The following PCSK5 variants were observed in gnomAD, a reference collection of about 807,000 sequenced individuals.
The protein encoded by PCSK5 is prohormone convertase 5.
A neutral mutation model predicts 233.2 loss-of-function variants in PCSK5; 129 were observed. That is an observed-to-expected ratio of 0.55 (90% CI 0.48 to 0.64). The LOEUF (loss-of-function observed/expected upper bound fraction) is 0.64. Among genes scored for constraint, PCSK5 ranks in the 30% least tolerant of loss-of-function variants. PCSK5 has a pLI of 0.00. For missense variants in PCSK5, 2,076 were observed against 2,430.1 expected (o/e 0.85, Z 3.06); for synonymous variants, 825 against 879.2 (o/e 0.94, Z 1.09).
intron 7 of PCSK5, among the ~76,000 whole-genome samples, chr9:76,089,000 T>C (rs1034437898): frequency 6.6e-6 from 1 of 151,804 alleles, no homozygotes; most frequent in South Asian, 2.1e-4. Context: ...ATGAACGCTG[T>C]TCTATAAAGC....
intron 30 of PCSK5, among the ~76,000 whole-genome samples, chr9:76,320,174 C>CCA: frequency 6.6e-6 from 1 of 152,140 alleles, no homozygotes; most frequent in East Asian, 2.0e-4. Flanking sequence ...TCTCTCGTCT[C>CCA]CACACACGGG....
chr9:76,045,550 G>A (rs1354869416), intron 5 of PCSK5, among the ~76,000 whole-genome samples: 1 of 152,202 alleles, frequency 6.6e-6, no homozygotes, highest in Non-Finnish European at 1.5e-5. Context: ...GTTTTGCCAA[G>A]TCATTTCACT....
At chr9:76,186,129 T>C (rs1001851430) in intron 17 of PCSK5, among the ~76,000 whole-genome samples, 1 of 152,152 alleles carries the variant, frequency 6.6e-6, no homozygotes, top group Non-Finnish European at 1.5e-5. Context: ...TAAAATATTA[T>C]CATTTCAACA....
At chr9:76,043,835 G>A (rs1022456775) in intron 5 of PCSK5, among the ~76,000 whole-genome samples, 1 of 152,070 alleles carries the variant, frequency 6.6e-6, no homozygotes, top group African/African-American at 2.4e-5. Context: ...TTCTCCCAAA[G>A]TGCTTGAATT....
chr9:76,344,765 C>A (rs1415153918), intron 35 of PCSK5, among the ~76,000 whole-genome samples: 1 of 152,142 alleles, frequency 6.6e-6, no homozygotes, highest in Admixed American at 6.5e-5. Context: ...AATCTGACGA[C>A]CCTAATTCCA....
intron 20 of PCSK5, among the ~76,000 whole-genome samples, chr9:76,224,099 A>G (rs186277619): frequency 6.6e-6 from 1 of 152,308 alleles, no homozygotes; most frequent in Admixed American, 6.5e-5. Context: ...GCTCTTACAT[A>G]AGCTTCAAGG....
rs149365255 is a variant in PCSK5 at position 76,189,693 on chromosome 9, G to A, written c.2573G>A (p.Ser858Asn). ...PGFKNCTSCP[S>N]GYLLDLGMCQ... ...TTCAAGAACTGTACAAGCTGCCCTA[G>A]TGGGTATCTCTTAGACTTAGGAATG... The change falls in exon 20 of 38, where the codon AGT becomes AAT. Residue 858 changes from serine to asparagine, a missense_variant. Physicochemically the swap from Ser to Asn is conservative, Grantham distance 46. Coordinates refer to ENST00000674117, the MANE Select transcript of PCSK5 (RefSeq NM_001372043.1). The A allele has an allele frequency of 2.2e-5, 36 of 1,613,224 alleles. No individual in the cohort carries two copies. The East Asian group carries it at 7.8e-4, about 35-fold the overall frequency.
At chr9:76,289,136 C>A (rs1308071810) in intron 24 of PCSK5, among the ~76,000 whole-genome samples, 1 of 152,088 alleles carries the variant, frequency 6.6e-6, no homozygotes, top group Non-Finnish European at 1.5e-5. Context: ...CGGCCCACCC[C>A]ACCCCATACA....
chr9:76,035,165 C>T (rs1828809175), intron 5 of PCSK5, among the ~76,000 whole-genome samples: 1 of 152,182 alleles, frequency 6.6e-6, no homozygotes, highest in Non-Finnish European at 1.5e-5. Flanking sequence ...CTGATAGGCA[C>T]TTGACTGACA....
chr9:76,137,589 T>G (rs1349384313), intron 10 of PCSK5, among the ~76,000 whole-genome samples: 1 of 152,148 alleles, frequency 6.6e-6, no homozygotes, highest in Admixed American at 6.6e-5. Context: ...GCCTTGTTCA[T>G]CTTGTGAATA....
chr9:76,193,428 GAA>G (rs368878471), intron 20 of PCSK5: 937 of 623,552 alleles, frequency 1.5e-3, no homozygotes, highest in Middle Eastern at 3.0e-3. Context: ...AAGCCAAAAA[GAA>G]AAAAAAAAAA....
At chr9:76,267,753 A>G (rs919173172) in intron 24 of PCSK5, among the ~76,000 whole-genome samples, 2 of 152,138 alleles carry the variant, frequency 1.3e-5, no homozygotes, top group South Asian at 4.2e-4. Flanking sequence ...GTATGACCAC[A>G]GTCTGAGTCT....
intron 18 of PCSK5, among the ~76,000 whole-genome samples, 168 bp from the exon 19 acceptor site, chr9:76,188,926 G>T (rs1281183742): frequency 6.6e-6 from 1 of 152,216 alleles, no homozygotes; most frequent in African/African-American, 2.4e-5. Context: ...TTGTCAAGAG[G>T]TTCCATTTTA....
chr9:76,212,890 A>C (rs1479826041), intron 20 of PCSK5, among the ~76,000 whole-genome samples: 6 of 152,226 alleles, frequency 3.9e-5, no homozygotes, highest in African/African-American at 1.4e-4. Context: ...ACAGCTAGAA[A>C]GTGGCAGAGC....
chr9:76,091,871 G>A lies in PCSK5; in HGVS notation c.895-4019G>A, dbSNP rs191021086. On this transcript the variant is annotated intron_variant, in intron 7 of 37. Transcript: ENST00000674117. ...TTGAGGTTTTCCTTTACCATGCTCG[G>A]TTATAAAATAATTCCCTCAAATTAT... Among the ~76,000 whole-genome samples, 118 of 152,200 alleles carry A rather than the reference G, an allele frequency of 7.8e-4. No individual in the cohort carries two copies. In the Middle Eastern group the frequency reaches 0.014, roughly 18 times the overall value.
At chr9:76,292,315 C>G in intron 25 of PCSK5, 40 bp downstream of exon 25, 1 of 1,272,524 alleles carries the variant, frequency 7.9e-7, no homozygotes, top group Non-Finnish European at 1.1e-6. Context: ...AACTTTTCTG[C>G]AGTTTAAGCA....
chr9:75,921,171 A>T (rs908121235), intron 1 of PCSK5, among the ~76,000 whole-genome samples: 21 of 152,158 alleles, frequency 1.4e-4, no homozygotes, highest in Non-Finnish European at 2.8e-4. Flanking sequence ...GTAGTTCTTC[A>T]CTTTGGCTGC....
chr9:76,130,251 G>A (rs1822702992), intron 9 of PCSK5, among the ~76,000 whole-genome samples: 1 of 152,190 alleles, frequency 6.6e-6, no homozygotes, highest in Non-Finnish European at 1.5e-5. Context: ...AGTCAAGAAA[G>A]AGAGTGTGTG....
chr9:75,893,017 ACT>A (rs1400379191), intron 1 of PCSK5, among the ~76,000 whole-genome samples: 3 of 152,172 alleles, frequency 2.0e-5, no homozygotes, highest in East Asian at 3.9e-4. Flanking sequence ...GGAAGAAAAC[ACT>A]GAGTCCGTTC....
Sources: allele counts gnomAD v4.1 joint callset (sites outside exome capture counted in the v4.1 genomes callset), GRCh38; gene constraint gnomAD v4.1.1; transcripts MANE v1.5; gene names NCBI Gene and HGNC (gene_info 2026-07-23, HGNC 2026-07-21).